The following TFCP2 variants were observed in gnomAD, a reference collection of about 807,000 sequenced individuals.
The protein encoded by TFCP2 is transcription factor CP2, also known as alpha-globin transcription factor CP2.
In TFCP2, 33 loss-of-function variants were observed where a neutral mutation model predicts 73.4. The ratio of observed to expected loss-of-function variants is 0.45; its 90% confidence interval spans 0.34 to 0.60. The LOEUF (loss-of-function observed/expected upper bound fraction) is 0.60, where lower values mean the gene tolerates loss of function less well. Ranked by LOEUF, TFCP2 falls within the 20% of genes least tolerant of loss-of-function variation. The probability of loss-of-function intolerance (pLI) is 0.01; values close to 1 mark genes in which losing one functional copy is unlikely to be tolerated. For missense variants in TFCP2, 352 were observed against 604.0 expected, an observed-to-expected ratio of 0.58 and a Z score of 4.37; for synonymous variants, 193 against 211.6, an observed-to-expected ratio of 0.91 and a Z score of 0.76.
At chr12:51,130,387 G>A (rs1356249183) in intron 1 of TFCP2, among the ~76,000 whole-genome samples, 1 of 151,596 alleles carries the variant, frequency 6.6e-6, no homozygotes, top group African/African-American at 2.4e-5. Flanking sequence ...CAGGAGAATC[G>A]CTTGAACCTG....
intron 3 of TFCP2, among the ~76,000 whole-genome samples, chr12:51,117,450 G>A (rs1377614468): frequency 6.6e-6 from 1 of 152,078 alleles, no homozygotes; most frequent in African/African-American, 2.4e-5. Flanking sequence ...AGTGGTAAGC[G>A]TTCTATTTCT....
chr12:51,108,369 G>GTA (rs1341051833), intron 6 of TFCP2, among the ~76,000 whole-genome samples: 5 of 152,134 alleles, frequency 3.3e-5, no homozygotes, highest in Admixed American at 6.5e-5. Flanking sequence ...AAGAGGTTGT[G>GTA]GAGGGGGTCA....
In TFCP2 at chr12:51,152,765, A is replaced by T. The variant is rs111423644; in HGVS notation, c.122+19536T>A. 5.7e-3 allele frequency among the ~76,000 whole-genome samples: 871 copies of T among 152,348 alleles called. 7 individuals carry two copies. Among genetic ancestry groups the T allele is most frequent in the African/African-American group, 0.019 (809 of 41,586 alleles). ...TTCATGCAAATATTATACAAGTCTG[A>T]AATTATTTTTTCCCAACTGCTTTTT... On this transcript the variant is annotated intron_variant, in intron 1 of 14. Transcript: ENST00000257915.
At chr12:51,148,425 G>A (rs913669167) in intron 1 of TFCP2, among the ~76,000 whole-genome samples, 2 of 152,154 alleles carry the variant, frequency 1.3e-5, no homozygotes, top group South Asian at 2.1e-4. Flanking sequence ...TGTGGTGGCC[G>A]GGCGTGGTGG....
chr12:51,154,435 G>A lies in TFCP2; in HGVS notation c.122+17866C>T, dbSNP rs1171868414. ...GTGGCTGGGCACAGTGGCTCACGCC[G>A]GTAATCCCAGCATTTTGGGAGGCCG... On this transcript the variant is annotated intron_variant, in intron 1 of 14. Coordinates refer to ENST00000257915, the MANE Select transcript of TFCP2 (RefSeq NM_005653.5). Among the ~76,000 whole-genome samples the A allele has an allele frequency of 2.6e-5, 4 of 152,132 alleles. No individual in the cohort carries two copies. The East Asian group carries it at 5.8e-4, about 22-fold the overall frequency.
At chr12:51,168,591 C>A (rs2137052864) in intron 1 of TFCP2, among the ~76,000 whole-genome samples, 1 of 152,088 alleles carries the variant, frequency 6.6e-6, no homozygotes, top group Admixed American at 6.5e-5. Flanking sequence ...CTCAAACGAT[C>A]CTCCCATCTC....
intron 1 of TFCP2, among the ~76,000 whole-genome samples, chr12:51,164,708 T>C (rs916985714): frequency 6.6e-6 from 1 of 151,830 alleles, no homozygotes; most frequent in African/African-American, 2.4e-5. Context: ...GGGATATTAC[T>C]ACTAATTTTA....
At chr12:51,157,973 C>T (rs1052478312) in intron 1 of TFCP2, among the ~76,000 whole-genome samples, 2 of 151,694 alleles carry the variant, frequency 1.3e-5, no homozygotes, top group Admixed American at 6.6e-5. Context: ...CCACTGCACC[C>T]GACCCATTTT....
intron 14 of TFCP2, 127 bp downstream of exon 14, chr12:51,095,862 T>A: frequency 1.5e-5 from 7 of 457,256 alleles, no homozygotes; most frequent in East Asian, 3.9e-5. Context: ...GAACAATCTC[T>A]AATATTGTCA....
chr12:51,096,584 C>CCACATGGTTTCTAACTCTTT, intron 13 of TFCP2, among the ~76,000 whole-genome samples: 1 of 152,280 alleles, frequency 6.6e-6, no homozygotes, highest in East Asian at 1.9e-4. Flanking sequence ...CTTTTATGAG[C>CCACATGGTTTCTAACTCTTT]CACATGGTTT....
chr12:51,121,469 AT>A (rs34031215), intron 1 of TFCP2, among the ~76,000 whole-genome samples: 23,164 of 137,066 alleles, frequency 0.17, 2,079 homozygotes, highest in South Asian at 0.27. Context: ...GAATCCAGTG[AT>A]TTTTTTTTTT....
At chr12:51,112,604 C>G (rs12316887) in intron 4 of TFCP2, among the ~76,000 whole-genome samples, 4 of 152,142 alleles carry the variant, frequency 2.6e-5, no homozygotes, top group Admixed American at 2.6e-4. Context: ...TGGTGGCTCA[C>G]GCCTGCAATC....
chr12:51,145,687 C>T (rs555561969), intron 1 of TFCP2, among the ~76,000 whole-genome samples: 147 of 151,640 alleles, frequency 9.7e-4, no homozygotes, highest in Middle Eastern at 3.4e-3. Flanking sequence ...GTGGCTAATG[C>T]CTGTAATCCC....
rs1565579688 is a variant in TFCP2 at position 51,161,264 on chromosome 12, AG to A, written c.122+11036del. ...TTCGTAAGTAACAACAGTAATCCCT[AG>A]GGAGGCAGTGGAATCTGACTTTCAG... On this transcript the variant is annotated intron_variant, in intron 1 of 14. Coordinates refer to ENST00000257915, the MANE Select transcript of TFCP2 (RefSeq NM_005653.5). Among the ~76,000 whole-genome samples, 10 of 152,290 alleles carry A rather than the reference AG, an allele frequency of 6.6e-5. No homozygotes were observed. The South Asian group carries it at 2.1e-3, about 32-fold the overall frequency.
chr12:51,133,293 A>G (rs1427383212), intron 1 of TFCP2, among the ~76,000 whole-genome samples: 2 of 152,082 alleles, frequency 1.3e-5, no homozygotes, highest in Non-Finnish European at 2.9e-5. Context: ...CTGCCAATAA[A>G]ATATACCTAT....
At chr12:51,169,941 G>A (rs1452064767) in intron 1 of TFCP2, among the ~76,000 whole-genome samples, 5 of 152,186 alleles carry the variant, frequency 3.3e-5, no homozygotes, top group Non-Finnish European at 7.3e-5. Flanking sequence ...ATATGGTATT[G>A]CACCTAGTAG....
chr12:51,102,440 C>A (rs866920327), intron 10 of TFCP2, among the ~76,000 whole-genome samples: 4 of 151,882 alleles, frequency 2.6e-5, no homozygotes, highest in Non-Finnish European at 2.9e-5. Context: ...AAAAAAAAAT[C>A]CTGGGCCAGG....
chr12:51,142,165 C>T (rs575562236), intron 1 of TFCP2, among the ~76,000 whole-genome samples: 3 of 125,326 alleles, frequency 2.4e-5, no homozygotes, highest in South Asian at 2.6e-4. Context: ...GATTGTGCCA[C>T]GGCACTCCAG....
intron 1 of TFCP2, among the ~76,000 whole-genome samples, chr12:51,134,574 C>T (rs1434097502): frequency 1.3e-5 from 2 of 152,194 alleles, no homozygotes; most frequent in Admixed American, 6.5e-5. Context: ...GCATGAGCCA[C>T]CCCGCCTGGC....
Sources: allele counts gnomAD v4.1 joint callset (sites outside exome capture counted in the v4.1 genomes callset), GRCh38; gene constraint gnomAD v4.1.1; transcripts MANE v1.5; gene names NCBI Gene and HGNC (gene_info 2026-07-23, HGNC 2026-07-21).